The following CLMP variants were observed in gnomAD, a reference collection of about 807,000 sequenced individuals.
The protein encoded by CLMP is CXADR-like membrane protein.
Under a neutral mutation model 45.2 loss-of-function variants are expected in CLMP, and 27 were observed. The observed-to-expected ratio is 0.60, with a 90% confidence interval of 0.44 to 0.82. CLMP has a LOEUF of 0.82. CLMP is among the 40% of genes least tolerant of loss of function. The probability of loss-of-function intolerance (pLI) is 0.00; values close to 1 mark genes in which losing one functional copy is unlikely to be tolerated. For synonymous variants in CLMP, 167 were observed against 171.4 expected, an observed-to-expected ratio of 0.97 and a Z score of 0.20; for missense variants, 403 against 448.4, an observed-to-expected ratio of 0.90 and a Z score of 0.91.
At chr11:123,106,951 C>A (rs1012760862) in intron 1 of CLMP, among the ~76,000 whole-genome samples, 18 of 150,064 alleles carry the variant, frequency 1.2e-4, no homozygotes, top group African/African-American at 4.2e-4. Context: ...ACCCGGGAGG[C>A]GGAGCTTGCA....
chr11:123,194,230 G>A (rs1861947550), intron 1 of CLMP, among the ~76,000 whole-genome samples: 1 of 152,116 alleles, frequency 6.6e-6, no homozygotes, highest in South Asian at 2.1e-4. Context: ...AAAAAGTGGT[G>A]CTTGCTCTAT....
At chr11:123,124,258 C>A (rs1346675855) in intron 1 of CLMP, among the ~76,000 whole-genome samples, 2 of 152,098 alleles carry the variant, frequency 1.3e-5, no homozygotes, top group Non-Finnish European at 2.9e-5. Context: ...TCAAGTGATC[C>A]TCTTGCTTTG....
At chr11:123,156,716 T>A (rs1219167612) in intron 1 of CLMP, among the ~76,000 whole-genome samples, 1 of 152,104 alleles carries the variant, frequency 6.6e-6, no homozygotes, top group South Asian at 2.1e-4. Context: ...GGTGGAGAAA[T>A]GTGAGGGGGA....
chr11:123,188,092 C>T (rs78961808), intron 1 of CLMP, among the ~76,000 whole-genome samples: 4,610 of 152,256 alleles, frequency 0.03, 215 homozygotes, highest in African/African-American at 0.1. Flanking sequence ...ATTCCTTGTT[C>T]GTGAATACGT....
intron 1 of CLMP, among the ~76,000 whole-genome samples, chr11:123,162,956 C>T (rs1861507434): frequency 6.6e-6 from 1 of 151,754 alleles, no homozygotes; most frequent in Non-Finnish European, 1.5e-5. Flanking sequence ...CATAAATAAC[C>T]ATATTTAGGC....
intron 1 of CLMP, among the ~76,000 whole-genome samples, chr11:123,133,258 G>T (rs1476926644): frequency 1.3e-5 from 2 of 152,034 alleles, no homozygotes; most frequent in Admixed American, 6.6e-5. Context: ...CCTTGACCGG[G>T]CCCTAGTCAG....
intron 1 of CLMP, among the ~76,000 whole-genome samples, chr11:123,147,131 T>A (rs1360369523): frequency 1.3e-5 from 2 of 152,196 alleles, no homozygotes; most frequent in Non-Finnish European, 2.9e-5. Context: ...TTTCTAAAAA[T>A]GTCATTTTTT....
At chr11:123,189,379 G>A (rs1054751187) in intron 1 of CLMP, among the ~76,000 whole-genome samples, 31 of 152,290 alleles carry the variant, frequency 2.0e-4, no homozygotes, top group African/African-American at 7.5e-4. Flanking sequence ...GTGTATTCTA[G>A]AGAAAGAAGC....
chr11:123,145,037 CTT>C (rs1343341192), intron 1 of CLMP, among the ~76,000 whole-genome samples: 1 of 152,042 alleles, frequency 6.6e-6, no homozygotes, highest in African/African-American at 2.4e-5. Context: ...ATTTTAAAGA[CTT>C]AGTATAATAA....
At chr11:123,083,049 C>A in intron 5 of CLMP, 36 bp downstream of exon 5, 1 of 1,610,402 alleles carries the variant, frequency 6.2e-7, no homozygotes, top group Non-Finnish European at 8.5e-7. Context: ...CAAAAACAAA[C>A]AGAAAAATGA....
At chr11:123,115,817 T>C (rs1591464257) in intron 1 of CLMP, among the ~76,000 whole-genome samples, 2 of 152,322 alleles carry the variant, frequency 1.3e-5, no homozygotes, top group Non-Finnish European at 2.9e-5. Context: ...CATACCAAAT[T>C]GTCCCAGAAC....
intron 2 of CLMP, among the ~76,000 whole-genome samples, chr11:123,095,595 G>C (rs1293865168): frequency 2.0e-5 from 3 of 152,250 alleles, no homozygotes; most frequent in East Asian, 3.9e-4. Flanking sequence ...TAGTAAAACA[G>C]ACTATTCAAG....
chr11:123,114,485 TGAGA>T (rs1443286372), intron 1 of CLMP, among the ~76,000 whole-genome samples: 3 of 148,182 alleles, frequency 2.0e-5, no homozygotes, highest in Non-Finnish European at 3.0e-5. Flanking sequence ...TTTTTTTTTT[TGAGA>T]TGGGGGAGTC....
At chr11:123,102,890 G>A (rs1433923093) in intron 1 of CLMP, among the ~76,000 whole-genome samples, 1 of 151,906 alleles carries the variant, frequency 6.6e-6, no homozygotes, top group African/African-American at 2.4e-5. Flanking sequence ...CTTCCAGGAT[G>A]TCTGGTTCTC....
intron 1 of CLMP, among the ~76,000 whole-genome samples, chr11:123,184,945 T>C (rs1255861256): frequency 1.3e-5 from 2 of 152,112 alleles, no homozygotes; most frequent in Non-Finnish European, 2.9e-5. Context: ...AACTGTACCA[T>C]AACATGCCAC....
intron 3 of CLMP, 142 bp downstream of exon 3, chr11:123,084,370 C>T (rs922601088): frequency 1.2e-5 from 8 of 642,636 alleles, no homozygotes; most frequent in South Asian, 2.0e-5. Flanking sequence ...CATTTCTTTC[C>T]AGGGAACTGG....
intron 1 of CLMP, among the ~76,000 whole-genome samples, chr11:123,126,708 A>T (rs1303975818): frequency 6.6e-6 from 1 of 152,056 alleles, no homozygotes; most frequent in Non-Finnish European, 1.5e-5. Flanking sequence ...CCATCCTGGC[A>T]AACACGGTGA....
chr11:123,135,867 G>A (rs897008074), intron 1 of CLMP: 1 of 459,944 alleles, frequency 2.2e-6, no homozygotes, highest in African/African-American at 2.1e-5. Flanking sequence ...ACCCCTTATT[G>A]CTGCCACTTT....
chr11:123,134,646 T>C (rs930210757), intron 1 of CLMP, among the ~76,000 whole-genome samples: 1 of 136,998 alleles, frequency 7.3e-6, no homozygotes, highest in African/African-American at 3.2e-5. Flanking sequence ...ACCCCATTTC[T>C]ACTAAAAATA....
Sources: gnomAD v4.1 joint callset for allele counts (sites outside exome capture counted in the v4.1 genomes callset) on GRCh38, gnomAD v4.1.1 for gene constraint, MANE v1.5 for transcripts, NCBI Gene and HGNC (gene_info 2026-07-23, HGNC 2026-07-21) for gene names.